The following SLFN5 variants were observed in gnomAD, a reference collection of about 807,000 sequenced individuals.
SLFN5 encodes schlafen family member 5.
In SLFN5, 34 loss-of-function variants were observed where a neutral mutation model predicts 48.5. The observed-to-expected ratio is 0.70, with a 90% CI of 0.53 to 0.93. The LOEUF (loss-of-function observed/expected upper bound fraction) is 0.93. Ranked by LOEUF, SLFN5 falls within the 40% of genes least tolerant of loss-of-function variation. The probability of loss-of-function intolerance (pLI) is 0.00; values close to 1 mark genes in which losing one functional copy is unlikely to be tolerated. For synonymous variants in SLFN5, 387 were observed against 396.2 expected (o/e 0.98, Z 0.28); for missense variants, 1,006 against 1,071.3 (o/e 0.94, Z 0.85).
At chr17:35,255,486 T>C (rs1380867981) in intron 1 of SLFN5, among the ~76,000 whole-genome samples, 3 of 152,240 alleles carry the variant, frequency 2.0e-5, no homozygotes, top group Non-Finnish European at 2.9e-5. Flanking sequence ...CATGGGTGTT[T>C]TAGCGGAATC....
At position 35,259,703 on chromosome 17, in the gene SLFN5, G is replaced by C; in HGVS notation, c.1012+1G>C. 1 of 1,599,014 alleles carries C rather than the reference G, an allele frequency of 6.3e-7. No homozygotes were observed. The highest frequency in any genetic ancestry group is 8.5e-7 in the Non-Finnish European group (1 of 1,179,302). On this transcript the variant is annotated splice_donor_variant, in intron 2 of 4. Transcript: ENST00000299977. LOFTEE classifies it high-confidence loss of function. ...GCTTGGATGATGGAAGCTGACCCAG[G>C]TTAGGGAGCAATATCCACAATGGTT...
In SLFN5 at chr17:35,265,653, GA is replaced by G. The variant is rs759990977; in HGVS notation, c.2445del (p.Lys815AsnfsTer22). The G allele has an allele frequency of 6.2e-7, 1 of 1,614,254 alleles. No homozygotes were observed. Among genetic ancestry groups the G allele is most frequent in the East Asian group, 2.2e-5 (1 of 44,890 alleles). On this transcript the variant is annotated frameshift_variant, in exon 5 of 5. Transcript: ENST00000299977. LOFTEE classifies it low-confidence loss of function (END_TRUNC). ...AGGCTTCTAACAGCAATGAGGAAGAGAAAACTGTCTCAGCTCCATGAGGAGT... is the reference window on the plus strand; with the variant it reads ...AGGCTTCTAACAGCAATGAGGAAGAGAAACTGTCTCAGCTCCATGAGGAGT... Reference protein sequence around the residue: ...KDRLLTAMRKRKLSQLHEESD... With the variant: ...KDRLLTAMRKXKLSQLHEESD...
In SLFN5 at chr17:35,271,379, ATAAAT is replaced by A. The variant is rs1310094900; in HGVS notation, c.*5494_*5498del. 6.6e-6 allele frequency: 1 copy of A among 152,254 alleles called. No homozygotes were observed. The highest frequency in any genetic ancestry group is 2.4e-5 in the African/African-American group (1 of 41,468). The allele number at this position is 152,254 out of a possible 1,614,324, so 9.4% of individuals were successfully genotyped here. On this transcript the variant is annotated 3_prime_UTR_variant, in exon 5 of 5. Coordinates refer to ENST00000299977, the MANE Select transcript of SLFN5 (RefSeq NM_144975.4). Reference sequence around the variant, plus strand: ...GGTTTTAAGAAGGAAAGGAGAACAAATAAATTAGTGAAACATAAGGTTAAGTCTAT... The same window carrying A: ...GGTTTTAAGAAGGAAAGGAGAACAAATAGTGAAACATAAGGTTAAGTCTAT...
rs1904861727 is a variant in SLFN5, at chr17:35,272,698, C to A, written c.*6810C>A. ...ATCGAAGAGAAAAATTCTAAGGTCT[C>A]AAAGGAAAAATGAGCAAAGGATTTG... On this transcript the variant is annotated 3_prime_UTR_variant, in exon 5 of 5. Transcript: ENST00000299977. 1 of 151,994 alleles carries A rather than the reference C, an allele frequency of 6.6e-6. No individual in the cohort carries two copies. The highest frequency in any genetic ancestry group is 2.4e-5 in the African/African-American group (1 of 41,358). The allele number at this position is 151,994 out of a possible 1,614,324, so 9.4% of individuals were successfully genotyped here. A position where few individuals can be genotyped will look rare whatever the true frequency, so the allele number is the denominator to read the frequency against.
At chr17:35,253,984 C>T (rs918661934) in intron 1 of SLFN5, among the ~76,000 whole-genome samples, 5 of 152,142 alleles carry the variant, frequency 3.3e-5, no homozygotes, top group Non-Finnish European at 7.3e-5. Flanking sequence ...AAGCATGAGC[C>T]ACTGTGCCTG....
chr17:35,254,745 G>A (rs1460283554), intron 1 of SLFN5, among the ~76,000 whole-genome samples: 4 of 152,152 alleles, frequency 2.6e-5, no homozygotes, highest in Non-Finnish European at 4.4e-5. Context: ...GGCCGGGCGT[G>A]GTGGCTCACG....
At chr17:35,244,517 G>A (rs940678933) in intron 1 of SLFN5, among the ~76,000 whole-genome samples, 1 of 152,186 alleles carries the variant, frequency 6.6e-6, no homozygotes, top group African/African-American at 2.4e-5. Context: ...CCTTTGTGGG[G>A]GAAAAAGAAG....
At position 35,266,091 on chromosome 17, in the gene SLFN5, T is replaced by G; in HGVS notation, c.*203T>G. ...ACAAATACACAGATAGACAAGGAATTTCCCATGGTAAAAAGGGATATCAGT... is the reference window on the plus strand; with the variant it reads ...ACAAATACACAGATAGACAAGGAATGTCCCATGGTAAAAAGGGATATCAGT... On this transcript the variant is annotated 3_prime_UTR_variant, in exon 5 of 5. Coordinates refer to ENST00000299977, the MANE Select transcript of SLFN5 (RefSeq NM_144975.4). 1.8e-6 allele frequency: 1 copy of G among 564,694 alleles called. No homozygotes were observed. Among genetic ancestry groups the G allele is most frequent in the South Asian group, 2.6e-5 (1 of 38,472 alleles). 35.0% of individuals were successfully genotyped at this position (564,694 alleles called of 1,614,324 possible).
chr17:35,243,403 G>A (rs372637239), intron 1 of SLFN5, among the ~76,000 whole-genome samples: 1 of 152,160 alleles, frequency 6.6e-6, no homozygotes, highest in South Asian at 2.1e-4. Flanking sequence ...AGGGAGAGGC[G>A]CCGACCCAGC....
rs777638536 is a variant in SLFN5, at chr17:35,265,635, T to C, written c.2423T>C (p.Leu808Pro). The change falls in exon 5 of 5, where the codon CTA becomes CCA. Residue 808 changes from leucine to proline, a missense_variant. By Grantham distance (98) the Leu-to-Pro change is moderately conservative. Coordinates refer to ENST00000299977, the MANE Select transcript of SLFN5 (RefSeq NM_144975.4). ...GTGGAAAAATATAAAGACAGGCTTC[T>C]AACAGCAATGAGGAAGAGAAAACTG... ...SEVEKYKDRL[L>P]TAMRKRKLSQ... is the part of the protein sequence containing the mutation. 3.1e-6 allele frequency: 5 copies of C among 1,614,248 alleles called. No individual in the cohort carries two copies. The highest frequency in any genetic ancestry group is 1.6e-4 in the Middle Eastern group (1 of 6,062).
Position 35,269,416 on chromosome 17 carries a change from A to G in SLFN5, c.*3528A>G, listed in dbSNP as rs1268167969. On this transcript the variant is annotated 3_prime_UTR_variant, in exon 5 of 5. Coordinates refer to ENST00000299977, the MANE Select transcript of SLFN5 (RefSeq NM_144975.4). ...AGAAAAGAATGTTACAAACCTTCAC[A>G]AAGTAAAAATATTTTTATATCAGAT... The G allele has an allele frequency of 6.6e-6, 1 of 152,260 alleles. No homozygotes were observed. The highest frequency in any genetic ancestry group is 2.4e-5 in the African/African-American group (1 of 41,472). The allele number at this position is 152,260 out of a possible 1,614,324, so 9.4% of individuals were successfully genotyped here.
Position 35,261,031 on chromosome 17 carries a change from G to A in SLFN5, c.1073G>A (p.Ser358Asn). Residue 358 changes from serine (S) to asparagine (N), a missense_variant, in exon 3 of 5, where the codon AGC becomes AAC. By Grantham distance (46) the Ser-to-Asn change is conservative. Coordinates refer to ENST00000299977, the MANE Select transcript of SLFN5 (RefSeq NM_144975.4). ...QLSLSSATPR[S>N]KPVCIHKNSE... is the part of the protein sequence containing the mutation. The stretch of plus-strand genomic sequence containing the variant: ...AGTTTGTCATCTGCCACGCCCCGCA[G>A]CAAGCCTGTGTGCATTCATAAGAAT... 5.6e-6 allele frequency: 9 copies of A among 1,614,062 alleles called. No homozygotes were observed. Among genetic ancestry groups the A allele is most frequent in the Non-Finnish European group, 7.6e-6 (9 of 1,179,948 alleles).
chr17:35,265,848 G>A lies in SLFN5; in HGVS notation c.2636G>A (p.Arg879Lys). The part of the protein sequence containing the change: ...AYNLLLCLAS[R>K]AKRHLYILKA... ...AATCTTCTGCTCTGTTTGGCTTCTA[G>A]GGCAAAAAGACATCTGTATATTCTG... The change falls in exon 5 of 5, where the codon AGG becomes AAG. Residue 879 changes from arginine to lysine, a missense_variant. By Grantham distance (26) the Arg-to-Lys change is conservative. Coordinates refer to ENST00000299977, the MANE Select transcript of SLFN5 (RefSeq NM_144975.4). 3.1e-6 allele frequency: 5 copies of A among 1,609,760 alleles called. No individual in the cohort carries two copies. Among genetic ancestry groups the A allele is most frequent in the Non-Finnish European group, 4.2e-6 (5 of 1,178,698 alleles).
chr17:35,251,135 C>G (rs576408652), intron 1 of SLFN5, among the ~76,000 whole-genome samples: 29 of 152,272 alleles, frequency 1.9e-4, no homozygotes, highest in African/African-American at 5.5e-4. Context: ...CCCAAAGCAC[C>G]CCAACTGTAG....
At chr17:35,263,308 T>C (rs1904574761) in intron 3 of SLFN5, among the ~76,000 whole-genome samples, 1 of 151,448 alleles carries the variant, frequency 6.6e-6, no homozygotes, top group Non-Finnish European at 1.5e-5. Context: ...GTTTTGTATT[T>C]TTTGTAGAGA....
Position 35,265,189 on chromosome 17 carries a change from G to A in SLFN5, c.1977G>A (p.Gly659=), listed in dbSNP as rs1194415335. 2 of 1,614,156 alleles carry A rather than the reference G, an allele frequency of 1.2e-6. No homozygotes were observed. The highest frequency in any genetic ancestry group is 2.2e-5 in the East Asian group (1 of 44,890). Residue 659 remains glycine (G), a synonymous_variant, in exon 5 of 5, where the codon GGG becomes GGA. Coordinates refer to ENST00000299977, the MANE Select transcript of SLFN5 (RefSeq NM_144975.4). ...DDAQNFRTED[G]DWYGKAKFIT... is the part of the protein sequence containing the mutation. ...CTCAGAATTTCCGTACTGAAGATGG[G>A]GACTGGTATGGGAAAGCAAAGTTCA...
At chr17:35,257,881 A>G (rs1305982843) in intron 1 of SLFN5, among the ~76,000 whole-genome samples, 1 of 152,164 alleles carries the variant, frequency 6.6e-6, no homozygotes, top group Non-Finnish European at 1.5e-5. Context: ...GGAGAGGAGA[A>G]AGACAAAGAA....
Position 35,266,167 on chromosome 17 carries a change from TGTGTGTGTGTGCGC to T in SLFN5, c.*281_*294del, listed in dbSNP as rs947722975. The stretch of plus-strand genomic sequence containing the variant: ...ATGTGTGTGTGTGTGTGTGTGTGTG[TGTGTGTGTGTGCGC>T]GCGCGCACGTGCACATGTGTGTAGG... On this transcript the variant is annotated 3_prime_UTR_variant, in exon 5 of 5. Transcript: ENST00000299977. 4 of 280,884 alleles carry T rather than the reference TGTGTGTGTGTGCGC, an allele frequency of 1.4e-5. No individual in the cohort carries two copies. Among genetic ancestry groups the T allele is most frequent in the Admixed American group, 5.2e-5 (1 of 19,260 alleles). The allele number at this position is 280,884 out of a possible 1,614,324, so 17.4% of individuals were successfully genotyped here. A position where few individuals can be genotyped will look rare whatever the true frequency, so the allele number is the denominator to read the frequency against.
chr17:35,243,246 T>G (rs2092423091), intron 1 of SLFN5, 103 bp downstream of exon 1: 3 of 152,360 alleles, frequency 2.0e-5, no homozygotes, highest in African/African-American at 7.2e-5. Flanking sequence ...GTGCGGCGAC[T>G]GCAGCTCCCC....
Sources: gnomAD v4.1 joint callset for allele counts (sites outside exome capture counted in the v4.1 genomes callset) on GRCh38, gnomAD v4.1.1 for gene constraint, MANE v1.5 for transcripts, NCBI Gene and HGNC (gene_info 2026-07-23, HGNC 2026-07-21) for gene names.